The following SSX2IP variants were observed in gnomAD, a reference collection of about 807,000 sequenced individuals.
The protein encoded by SSX2IP is afadin- and alpha-actinin-binding protein.
Under a neutral mutation model 84.9 loss-of-function variants are expected in SSX2IP, and 55 were observed. The ratio of observed to expected loss-of-function variants is 0.65; its 90% CI spans 0.52 to 0.81. The LOEUF (loss-of-function observed/expected upper bound fraction) is 0.81, where lower values mean the gene tolerates loss of function less well. Ranked by LOEUF, SSX2IP falls within the 30% of genes least tolerant of loss-of-function variation. SSX2IP has a pLI of 0.00. For synonymous variants in SSX2IP, 239 were observed against 234.7 expected (o/e 1.02, Z -0.17); for missense variants, 664 against 705.2 (o/e 0.94, Z 0.66).
At position 84,666,116 on chromosome 1, in the gene SSX2IP, A is replaced by G; in HGVS notation, c.537+6T>C. 1 of 1,601,116 alleles carries G rather than the reference A, an allele frequency of 6.2e-7. No individual in the cohort carries two copies. Among genetic ancestry groups the G allele is most frequent in the Non-Finnish European group, 8.5e-7 (1 of 1,171,192 alleles). On this transcript the variant is annotated splice_donor_region_variant and intron_variant, in intron 5 of 13. Transcript: ENST00000342203. The stretch of plus-strand genomic sequence containing the variant: ...TAAACTTCATCTGCAATAACTGACA[A>G]CTCACCTCATCTTTCTCATTCTTTA...
chr1:84,675,115 A>G (rs1333074969), intron 1 of SSX2IP, among the ~76,000 whole-genome samples: 1 of 152,252 alleles, frequency 6.6e-6, no homozygotes, highest in African/African-American at 2.4e-5. Context: ...TAAATATAAT[A>G]CCATCACAAG....
Position 84,669,817 on chromosome 1 carries a change from A to T in SSX2IP, c.290T>A (p.Val97Glu). Reference sequence around the variant, plus strand: ...CTCATTCATACAATTTAGTACAGCTACTATATTTAACTCTCTCTTTGTCTC... The same window carrying T: ...CTCATTCATACAATTTAGTACAGCTTCTATATTTAACTCTCTCTTTGTCTC... The part of the protein sequence containing the change: ...GKETKRELNI[V>E]AVLNCMNELL... The change falls in exon 4 of 14, where the codon GTA (valine) becomes GAA (glutamate). Residue 97 changes from valine to glutamate, a missense_variant. By Grantham distance (121) the Val-to-Glu change is moderately radical. Transcript: ENST00000342203. The T allele has an allele frequency of 6.2e-7, 1 of 1,613,616 alleles. No individual in the cohort carries two copies.
chr1:84,658,508 T>C (rs1363078330), intron 8 of SSX2IP, 40 bp from the exon 9 acceptor site: 1 of 1,576,514 alleles, frequency 6.3e-7, no homozygotes, highest in Non-Finnish European at 8.6e-7. Flanking sequence ...GCTAGTACCT[T>C]ACAATGGCTT....
intron 1 of SSX2IP, among the ~76,000 whole-genome samples, chr1:84,684,332 G>T (rs1250203157): frequency 6.6e-6 from 1 of 152,164 alleles, no homozygotes; most frequent in African/African-American, 2.4e-5. Context: ...ATAGAATGTG[G>T]TTCAGTATAA....
In SSX2IP at chr1:84,669,689, T is replaced by C. The variant is rs1025926758; in HGVS notation, c.418A>G (p.Lys140Glu). The C allele has an allele frequency of 1.2e-6, 2 of 1,613,314 alleles. No homozygotes were observed. The highest frequency in any genetic ancestry group is 1.3e-5 in the African/African-American group (1 of 75,024). The change falls in exon 4 of 14, where the codon AAA (lysine) becomes GAA (glutamate). Residue 140 changes from lysine (K) to glutamate (E), a missense_variant. Lys to Glu is a moderately conservative substitution (Grantham distance 56). Transcript: ENST00000342203. ...GGATCTGCAATTTCTACCTTAAGTT[T>C]TGAGTAGCAGCTCTGTAGATGGTCC... ...DMDHLQSCYS[K>E]LKEQLETSRR...
intron 10 of SSX2IP, 110 bp downstream of exon 10, chr1:84,656,238 A>G: frequency 8.6e-7 from 1 of 1,162,176 alleles, no homozygotes; most frequent in Non-Finnish European, 1.2e-6. Flanking sequence ...ACAGACTAGA[A>G]ATCTGTCAAA....
intron 12 of SSX2IP, among the ~76,000 whole-genome samples, chr1:84,651,155 A>G (rs1423902569): frequency 6.6e-6 from 1 of 152,116 alleles, no homozygotes; most frequent in Non-Finnish European, 1.5e-5. Context: ...TCTCTACAAA[A>G]AAGTTTTTAA....
chr1:84,676,754 G>A (rs1255502886), intron 1 of SSX2IP, among the ~76,000 whole-genome samples: 1 of 110,022 alleles, frequency 9.1e-6, no homozygotes, highest in Non-Finnish European at 1.7e-5. Context: ...ACGGAGTCTC[G>A]CTCTGTCACC....
intron 1 of SSX2IP, among the ~76,000 whole-genome samples, chr1:84,680,796 C>G (rs1233528462): frequency 6.6e-6 from 1 of 152,096 alleles, no homozygotes; most frequent in African/African-American, 2.4e-5. Flanking sequence ...TCATTCCTTT[C>G]TTTATGTACT....
chr1:84,670,068 C>T (rs1012862472), intron 3 of SSX2IP, 175 bp from the exon 4 acceptor site: 5 of 538,508 alleles, frequency 9.3e-6, no homozygotes, highest in African/African-American at 1.9e-5. Flanking sequence ...AGTAAATTCT[C>T]ACCACAAAAA....
chr1:84,668,635 G>A (rs886846423), intron 4 of SSX2IP, among the ~76,000 whole-genome samples: 10 of 152,142 alleles, frequency 6.6e-5, no homozygotes, highest in African/African-American at 2.4e-4. Flanking sequence ...GTGTTCCCAT[G>A]TAGGCCAACT....
intron 4 of SSX2IP, among the ~76,000 whole-genome samples, chr1:84,668,569 G>A (rs749505601): frequency 1.4e-4 from 22 of 152,144 alleles, no homozygotes; most frequent in Non-Finnish European, 2.2e-4. Flanking sequence ...AGGATGGTAG[G>A]CACAGGTGCT....
At chr1:84,687,522 C>T (rs1440574488) in intron 1 of SSX2IP, among the ~76,000 whole-genome samples, 1 of 152,088 alleles carries the variant, frequency 6.6e-6, no homozygotes, top group Non-Finnish European at 1.5e-5. Flanking sequence ...TATCCCTATT[C>T]TTCCAGTCTT....
chr1:84,653,832 A>G (rs1370960503), intron 11 of SSX2IP, among the ~76,000 whole-genome samples: 2 of 151,518 alleles, frequency 1.3e-5, no homozygotes, highest in Non-Finnish European at 2.9e-5. Context: ...AGATAATTCA[A>G]CAGATGAAAG....
chr1:84,671,410 G>A (rs897493800), intron 1 of SSX2IP, 102 bp from the exon 2 acceptor site: 3 of 993,194 alleles, frequency 3.0e-6, no homozygotes, highest in African/African-American at 3.3e-5. Flanking sequence ...AAAACAGAAG[G>A]ATTTTGCAAT....
chr1:84,676,872 GC>G (rs1156928694), intron 1 of SSX2IP, among the ~76,000 whole-genome samples: 1 of 151,958 alleles, frequency 6.6e-6, no homozygotes, highest in Middle Eastern at 3.2e-3. Flanking sequence ...ACAGGCGGAT[GC>G]CTAGCTAATT....
chr1:84,690,629 T>C (rs1656497221), upstream of SSX2IP: 1 of 152,218 alleles, frequency 6.6e-6, no homozygotes, highest in African/African-American at 2.4e-5. Flanking sequence ...TGAACAACCG[T>C]GGCCTGCATT....
At chr1:84,675,485 C>T (rs1366368456) in intron 1 of SSX2IP, among the ~76,000 whole-genome samples, 1 of 152,214 alleles carries the variant, frequency 6.6e-6, no homozygotes, top group African/African-American at 2.4e-5. Context: ...AAACCAGCCT[C>T]CCATTTTATT....
At chr1:84,680,010 G>A (rs147592806) in intron 1 of SSX2IP, among the ~76,000 whole-genome samples, 3 of 152,236 alleles carry the variant, frequency 2.0e-5, no homozygotes, top group Admixed American at 1.3e-4. Flanking sequence ...CATCTCCTAC[G>A]ACTACTCCTT....
Sources: gnomAD v4.1 joint callset for allele counts (sites outside exome capture counted in the v4.1 genomes callset) on GRCh38, gnomAD v4.1.1 for gene constraint, MANE v1.5 for transcripts, NCBI Gene and HGNC (gene_info 2026-07-23, HGNC 2026-07-21) for gene names.